The following GRIN2B variants were observed in gnomAD, a reference collection of about 807,000 sequenced individuals.
The protein encoded by GRIN2B is glutamate receptor ionotropic, NMDA 2B.
Under a neutral mutation model 114.5 loss-of-function variants are expected in GRIN2B, and 5 were observed. The observed-to-expected ratio is 0.04, with a 90% CI of 0.02 to 0.09. The LOEUF (loss-of-function observed/expected upper bound fraction) is 0.09. Ranked by LOEUF, GRIN2B falls within the 10% of genes least tolerant of loss-of-function variation. GRIN2B has a pLI of 1.00. For missense variants in GRIN2B, 1,108 were observed against 1,943.5 expected (o/e 0.57, Z 8.08); for synonymous variants, 787 against 745.1 (o/e 1.06, Z -0.92).
At chr12:13,942,630 T>C (rs1417987798) in intron 2 of GRIN2B, among the ~76,000 whole-genome samples, 1 of 152,200 alleles carries the variant, frequency 6.6e-6, no homozygotes, top group Non-Finnish European at 1.5e-5. Flanking sequence ...CTAAGTTAGA[T>C]AATCATCTAT....
At chr12:13,678,779 T>A (rs1950100627) in intron 4 of GRIN2B, among the ~76,000 whole-genome samples, 1 of 152,128 alleles carries the variant, frequency 6.6e-6, no homozygotes, top group African/African-American at 2.4e-5. Flanking sequence ...GAAGAATTCA[T>A]TGCATAGAAT....
chr12:13,650,086 A>T (rs186341959), intron 5 of GRIN2B, among the ~76,000 whole-genome samples: 1 of 152,162 alleles, frequency 6.6e-6, no homozygotes, highest in East Asian at 1.9e-4. Flanking sequence ...AGTTTGCCTT[A>T]TGAACAAAGC....
At chr12:13,662,335 T>C (rs1376100166) in intron 5 of GRIN2B, among the ~76,000 whole-genome samples, 1 of 152,140 alleles carries the variant, frequency 6.6e-6, no homozygotes, top group Non-Finnish European at 1.5e-5. Context: ...AGAGGACTTG[T>C]GGACATAATT....
At chr12:13,964,849 C>A (rs115422802) in intron 2 of GRIN2B, among the ~76,000 whole-genome samples, 1 of 152,202 alleles carries the variant, frequency 6.6e-6, no homozygotes, top group Non-Finnish European at 1.5e-5. Flanking sequence ...AAAGCTGACT[C>A]GCAGAACACC....
intron 2 of GRIN2B, among the ~76,000 whole-genome samples, chr12:13,945,485 C>G (rs558299273): frequency 5.3e-5 from 8 of 152,124 alleles, no homozygotes; most frequent in Non-Finnish European, 1.0e-4. Context: ...GCTGTTGATA[C>G]GAGAACCTTG....
At chr12:13,580,607 G>A (rs1281889120) in intron 10 of GRIN2B, among the ~76,000 whole-genome samples, 2 of 152,194 alleles carry the variant, frequency 1.3e-5, no homozygotes, top group Admixed American at 6.5e-5. Context: ...TAATTATGAG[G>A]AGGTGGCAGC....
intron 2 of GRIN2B, among the ~76,000 whole-genome samples, chr12:13,974,496 G>A (rs1279897999): frequency 1.3e-5 from 2 of 152,158 alleles, no homozygotes; most frequent in Admixed American, 6.5e-5. Context: ...GTTAAGGGAT[G>A]CAAGGAAGAG....
At chr12:13,806,191 G>T (rs1437394849) in intron 3 of GRIN2B, among the ~76,000 whole-genome samples, 1 of 152,116 alleles carries the variant, frequency 6.6e-6, no homozygotes, top group Non-Finnish European at 1.5e-5. Context: ...CAATGAACAT[G>T]GGAGTCAGCT....
chr12:13,640,004 C>A (rs1192476425), intron 5 of GRIN2B, among the ~76,000 whole-genome samples: 1 of 152,130 alleles, frequency 6.6e-6, no homozygotes, highest in Non-Finnish European at 1.5e-5. Flanking sequence ...GGTTCAAATG[C>A]TAGTTTTTCC....
At position 13,723,147 on chromosome 12, in the gene GRIN2B, T is replaced by A. The variant is rs78565427; in HGVS notation, c.1010+30170A>T. ...ATGCTTACACCTTTTTTTTTTGTTTTTTATTATTATACTTTAAGTTCTGGG... is the reference window on the plus strand; with the variant it reads ...ATGCTTACACCTTTTTTTTTTGTTTATTATTATTATACTTTAAGTTCTGGG... On this transcript the variant is annotated intron_variant, in intron 4 of 13. Transcript: ENST00000609686. Among the ~76,000 whole-genome samples the A allele has an allele frequency of 2.8e-4, 43 of 152,122 alleles. No homozygotes were observed. In the East Asian group the frequency reaches 4.3e-3, roughly 15 times the overall value.
At chr12:13,603,339 A>G (rs2136458859) in intron 10 of GRIN2B, among the ~76,000 whole-genome samples, 1 of 152,332 alleles carries the variant, frequency 6.6e-6, no homozygotes, top group South Asian at 2.1e-4. Flanking sequence ...TAAGGTAGAT[A>G]GGAATGTAGG....
intron 10 of GRIN2B, among the ~76,000 whole-genome samples, chr12:13,607,395 T>C (rs1457505633): frequency 1.3e-5 from 1 of 76,566 alleles, no homozygotes; most frequent in Non-Finnish European, 2.3e-5. Context: ...ATATATATTA[T>C]ATATAATATA....
chr12:13,809,786 T>G, intron 3 of GRIN2B, among the ~76,000 whole-genome samples: 1 of 152,236 alleles, frequency 6.6e-6, no homozygotes, highest in East Asian at 1.9e-4. Flanking sequence ...GTCCCACTTT[T>G]GTTCCCCCAC....
At chr12:13,675,632 C>T in intron 5 of GRIN2B, 113 bp downstream of exon 5, 3 of 754,580 alleles carry the variant, frequency 4.0e-6, no homozygotes, top group South Asian at 2.8e-5. Flanking sequence ...GGTATTGATC[C>T]CTTGCTCCAC....
chr12:13,890,559 G>A lies in GRIN2B; in HGVS notation c.-18-24333C>T, dbSNP rs553001939. On this transcript the variant is annotated intron_variant, in intron 2 of 13. Transcript: ENST00000609686. ...CAATCTGGTTGGAGAAGAAAACCAG[G>A]GGACTTGGTATAGAGTAGCATTTCC... Among the ~76,000 whole-genome samples the A allele has an allele frequency of 5.9e-5, 9 of 152,208 alleles. No individual in the cohort carries two copies. The South Asian group carries it at 1.9e-3, about 32-fold the overall frequency.
intron 4 of GRIN2B, among the ~76,000 whole-genome samples, chr12:13,734,521 T>A (rs951515916): frequency 6.6e-6 from 1 of 152,226 alleles, no homozygotes; most frequent in Non-Finnish European, 1.5e-5. Context: ...TTTTCACACA[T>A]GAAGATGGCA....
chr12:13,739,654 G>GAA (rs35371790), intron 4 of GRIN2B, among the ~76,000 whole-genome samples: 4 of 151,706 alleles, frequency 2.6e-5, no homozygotes, highest in Admixed American at 2.0e-4. Context: ...GAAAGATTCT[G>GAA]AAAAAAAATA....
chr12:13,677,205 C>A (rs1213807359), intron 4 of GRIN2B, among the ~76,000 whole-genome samples: 1 of 152,160 alleles, frequency 6.6e-6, no homozygotes, highest in East Asian at 1.9e-4. Context: ...CTTGTGAGAC[C>A]ATGTCCCTGC....
At chr12:13,586,247 T>G (rs1195409032) in intron 10 of GRIN2B, among the ~76,000 whole-genome samples, 1 of 152,212 alleles carries the variant, frequency 6.6e-6, no homozygotes, top group African/African-American at 2.4e-5. Flanking sequence ...CATACATGGT[T>G]TAGGACATTA....
Sources: allele counts gnomAD v4.1 joint callset (sites outside exome capture counted in the v4.1 genomes callset), GRCh38; gene constraint gnomAD v4.1.1; transcripts MANE v1.5; gene names NCBI Gene and HGNC (gene_info 2026-07-23, HGNC 2026-07-21).